The following NBEAL1 variants were observed in gnomAD, a reference collection of about 807,000 sequenced individuals.
The protein encoded by NBEAL1 is neurobeachin like 1.
Under a neutral mutation model 351.3 loss-of-function variants are expected in NBEAL1, and 273 were observed. The ratio of observed to expected loss-of-function variants is 0.78; its 90% CI spans 0.70 to 0.86. The LOEUF is 0.86. NBEAL1 is among the 40% of genes least tolerant of loss of function. NBEAL1 has a pLI of 0.00. For synonymous variants in NBEAL1, 1,050 were observed against 1,086.4 expected, an observed-to-expected ratio of 0.97 and a Z score of 0.66; for missense variants, 2,961 against 3,201.3, an observed-to-expected ratio of 0.92 and a Z score of 1.81.
intron 2 of NBEAL1, among the ~76,000 whole-genome samples, chr2:203,030,182 A>T (rs1393459468): frequency 1.3e-5 from 2 of 152,236 alleles, no homozygotes; most frequent in Admixed American, 1.3e-4. Context: ...GGTTGTTTAG[A>T]CTTATCCTTC....
At chr2:203,031,337 G>A (rs1368590391) in intron 2 of NBEAL1, among the ~76,000 whole-genome samples, 1 of 152,208 alleles carries the variant, frequency 6.6e-6, no homozygotes, top group Non-Finnish European at 1.5e-5. Flanking sequence ...CTATGGTAAT[G>A]AATATTTGCT....
intron 14 of NBEAL1, among the ~76,000 whole-genome samples, chr2:203,108,654 C>T (rs751965946): frequency 5.9e-5 from 9 of 152,064 alleles, no homozygotes; most frequent in Non-Finnish European, 1.2e-4. Context: ...CCACCCACCT[C>T]GGCCTCCCAA....
rs943984529 is a variant in NBEAL1, at chr2:203,097,360, T to C, written c.1099-187T>C. Among the ~76,000 whole-genome samples the C allele has an allele frequency of 1.7e-4, 26 of 152,330 alleles. No homozygotes were observed. In the East Asian group the frequency reaches 1.7e-3, roughly 10 times the overall value. On this transcript the variant is annotated intron_variant, in intron 10 of 55. Transcript: ENST00000683969. The stretch of plus-strand genomic sequence containing the variant: ...AACTTTGAATTCCAAGAGAGAAATA[T>C]CTAAACTACTATTAGTTCATAATCC...
In NBEAL1 at chr2:203,217,899, A is replaced by G; in HGVS notation, c.*545A>G. ...ATAAGAATATTGAAACTGGTACATT[A>G]GCTAATTCTATTACTACTTAGCGTG... On this transcript the variant is annotated 3_prime_UTR_variant, in exon 56 of 56. Transcript: ENST00000683969. 2.0e-6 allele frequency: 2 copies of G among 977,342 alleles called. No individual in the cohort carries two copies. The highest frequency in any genetic ancestry group is 2.4e-6 in the Non-Finnish European group (2 of 822,562). The allele number at this position is 977,342 out of a possible 1,614,324, so 60.5% of individuals were successfully genotyped here. A position where few individuals can be genotyped will look rare whatever the true frequency, so the allele number is the denominator to read the frequency against.
intron 33 of NBEAL1, among the ~76,000 whole-genome samples, chr2:203,145,983 CTA>C (rs2063502775): frequency 6.6e-6 from 1 of 150,680 alleles, no homozygotes; most frequent in South Asian, 2.1e-4. Flanking sequence ...AGATAAACTT[CTA>C]GCAAGATTGA....
intron 51 of NBEAL1, among the ~76,000 whole-genome samples, chr2:203,207,070 C>T (rs939148870): frequency 1.3e-5 from 2 of 151,574 alleles, no homozygotes; most frequent in Admixed American, 6.6e-5. Flanking sequence ...TCTGCCCTGT[C>T]GCCCCGTCCG....
intron 34 of NBEAL1, among the ~76,000 whole-genome samples, chr2:203,150,655 T>C (rs1432917815): frequency 2.0e-5 from 3 of 152,150 alleles, no homozygotes; most frequent in Non-Finnish European, 2.9e-5. Context: ...TCCAAGGTCA[T>C]GAAGTTTTAT....
chr2:203,085,775 A>G (rs2061951888), intron 10 of NBEAL1: 2 of 152,212 alleles, frequency 1.3e-5, no homozygotes, highest in Non-Finnish European at 2.9e-5. Context: ...TAGCATATTG[A>G]TTCTCCCATA....
In NBEAL1 at chr2:203,113,212, A is replaced by G. The variant is rs1455799680; in HGVS notation, c.2400A>G (p.Gln800=). ...LITKLISAGT[Q]DSEWGCPTSL... ...CCAAATTGATATCAGCTGGAACCCA[A>G]GACAGTGAATGGGGGTGTCCCACAT... is the stretch of plus-strand genomic sequence containing the variant. Residue 800 remains glutamine, a synonymous_variant, in exon 17 of 56, where the codon CAA becomes CAG. Transcript: ENST00000683969. 3 of 1,546,960 alleles carry G rather than the reference A, an allele frequency of 1.9e-6. No homozygotes were observed. Among genetic ancestry groups the G allele is most frequent in the Admixed American group, 2.0e-5 (1 of 50,286 alleles).
chr2:203,207,762 G>A (rs529885215), intron 51 of NBEAL1, among the ~76,000 whole-genome samples: 10 of 152,302 alleles, frequency 6.6e-5, no homozygotes, highest in African/African-American at 2.4e-4. Context: ...AGTACCCAGG[G>A]ACACAAACAC....
chr2:203,029,555 G>A (rs1392449145), intron 2 of NBEAL1, among the ~76,000 whole-genome samples: 9 of 152,094 alleles, frequency 5.9e-5, no homozygotes, highest in African/African-American at 1.7e-4. Context: ...AGCCGGGCAC[G>A]ATGGCATGTG....
chr2:203,148,230 C>T (rs1320063370), intron 33 of NBEAL1, among the ~76,000 whole-genome samples: 2 of 151,896 alleles, frequency 1.3e-5, no homozygotes, highest in East Asian at 3.8e-4. Context: ...TTATTGTTAA[C>T]CTCATTTTAC....
chr2:203,145,281 A>G, intron 33 of NBEAL1, 121 bp downstream of exon 33: 2 of 878,160 alleles, frequency 2.3e-6, no homozygotes, highest in Non-Finnish European at 3.3e-6. Flanking sequence ...TTGTCTAAAA[A>G]TTATCTTAGA....
chr2:203,039,189 T>TCTTTC lies in NBEAL1; in HGVS notation c.52-2549_52-2545dup, dbSNP rs1313349603. 8.9e-4 allele frequency among the ~76,000 whole-genome samples: 103 copies of TCTTTC among 116,048 alleles called. 2 individuals carry two copies. The highest frequency in any genetic ancestry group is 2.3e-3 in the African/African-American group (77 of 34,144). The allele number at this position is 116,048 out of a possible 152,430, so 76.1% of individuals were successfully genotyped here. ...CTGTCTTTTTTCTTTCCTTTCCTTT[T>TCTTTC]CTTTCCTTTCCTTTCCTTTCCTTTC... On this transcript the variant is annotated intron_variant, in intron 2 of 55. Transcript: ENST00000683969.
intron 15 of NBEAL1, 21 bp downstream of exon 15, chr2:203,110,303 A>G (rs1196932758): frequency 1.9e-6 from 3 of 1,542,942 alleles, no homozygotes; most frequent in Admixed American, 2.1e-5. Flanking sequence ...AGGGCATCAC[A>G]TTTAACTTCT....
At chr2:203,199,281 C>A in intron 48 of NBEAL1, 57 bp from the exon 49 acceptor site, 1 of 965,694 alleles carries the variant, frequency 1.0e-6, no homozygotes, top group South Asian at 1.5e-5. Flanking sequence ...TCTGGTTATT[C>A]TGGGCTGCTT....
chr2:203,045,246 G>A (rs550657105), intron 3 of NBEAL1, among the ~76,000 whole-genome samples: 30 of 152,268 alleles, frequency 2.0e-4, no homozygotes, highest in Middle Eastern at 6.8e-3. Flanking sequence ...TTTTAAATAA[G>A]TAGGATAAAA....
At position 203,062,491 on chromosome 2, in the gene NBEAL1, C is replaced by A. The variant is rs2061516779; in HGVS notation, c.515+5038C>A. 6.1e-6 allele frequency: 2 copies of A among 326,968 alleles called. No homozygotes were observed. Among genetic ancestry groups the A allele is most frequent in the Non-Finnish European group, 5.9e-6 (1 of 168,910 alleles). The allele number at this position is 326,968 out of a possible 1,614,324, so 20.3% of individuals were successfully genotyped here. A position where few individuals can be genotyped will look rare whatever the true frequency, so the allele number is the denominator to read the frequency against. On this transcript the variant is annotated intron_variant, in intron 6 of 55. Transcript: ENST00000683969. The surrounding 1 kb of genome is among the most constrained non-coding windows in gnomAD (Gnocchi z 4.2). ...GGCAACAGAGGCTGCCCCAGAACCA[C>A]CTAAGGCCTCTCAGAGCTGAGGAGA... is the stretch of plus-strand genomic sequence containing the variant.
rs927756049 is a variant in NBEAL1, at chr2:203,088,583, C to T, written c.1098+4014C>T. On this transcript the variant is annotated intron_variant, in intron 10 of 55. Coordinates refer to ENST00000683969, the MANE Select transcript of NBEAL1 (RefSeq NM_001378026.1). The stretch of plus-strand genomic sequence containing the variant: ...GCAGTAAACATGGAGTTATATCCTT[C>T]TATCTCCTATTAAACAATCTTGTGG... Among the ~76,000 whole-genome samples, 8 of 152,314 alleles carry T rather than the reference C, an allele frequency of 5.3e-5. No homozygotes were observed. In the East Asian group the frequency reaches 1.5e-3, roughly 29 times the overall value.
Sources: gnomAD v4.1 joint callset for allele counts (sites outside exome capture counted in the v4.1 genomes callset) on GRCh38, gnomAD v4.1.1 for gene constraint, Gnocchi (gnomAD v3.1) non-coding constraint, MANE v1.5 for transcripts, NCBI Gene and HGNC (gene_info 2026-07-23, HGNC 2026-07-21) for gene names.